Variants in PLSCR2 observed in about 807,000 individuals in gnomAD.
PLSCR2 encodes the protein PL scramblase 2.
A neutral mutation model predicts 25.3 loss-of-function variants in PLSCR2; 18 were observed. The observed-to-expected ratio is 0.71, with a 90% CI of 0.49 to 1.06. The LOEUF (loss-of-function observed/expected upper bound fraction) is 1.06. Among genes scored for constraint, PLSCR2 ranks in the 50% least tolerant of loss-of-function variants. The pLI, the probability that PLSCR2 is intolerant of heterozygous loss-of-function variation, is 0.00. For missense variants in PLSCR2, 243 were observed against 269.5 expected (o/e 0.90, Z 0.69); for synonymous variants, 88 against 87.3 (o/e 1.01, Z -0.04).
At chr3:146,445,371 T>C (rs181354054) in intron 6 of PLSCR2, among the ~76,000 whole-genome samples, 20 of 152,278 alleles carry the variant, frequency 1.3e-4, no homozygotes, top group Admixed American at 5.2e-4. Context: ...TCCTCAGCTT[T>C]TGTTTGCCTG....
chr3:146,451,513 C>G (rs1374267805), intron 5 of PLSCR2, among the ~76,000 whole-genome samples: 1 of 152,126 alleles, frequency 6.6e-6, no homozygotes, highest in Non-Finnish European at 1.5e-5. Flanking sequence ...AATATTTGGT[C>G]TTTGTCCCAG....
chr3:146,469,408 AAC>A, intron 1 of PLSCR2, 85 bp downstream of exon 1: 1 of 918,398 alleles, frequency 1.1e-6, no homozygotes, highest in Non-Finnish European at 1.3e-6. Flanking sequence ...CTCTGACGCA[AAC>A]ACAATTATGG....
chr3:146,472,686 C>T (rs527354119), intron 1 of PLSCR2, among the ~76,000 whole-genome samples: 91 of 152,210 alleles, frequency 6.0e-4, no homozygotes, highest in African/African-American at 2.1e-3. Flanking sequence ...CACAAAGGCC[C>T]CACCTCCTAA....
intron 3 of PLSCR2, among the ~76,000 whole-genome samples, chr3:146,457,848 A>G (rs900826746): frequency 6.6e-6 from 1 of 152,208 alleles, no homozygotes; most frequent in African/African-American, 2.4e-5. Flanking sequence ...ATTAGAGTTT[A>G]TAACATTAGG....
At chr3:146,400,262 T>A (rs2038419285) in intron 2 of PLSCR2, among the ~76,000 whole-genome samples, 1 of 151,692 alleles carries the variant, frequency 6.6e-6, no homozygotes, top group South Asian at 2.1e-4. Context: ...CTACTAGAAT[T>A]TGTAAGTAAT....
At chr3:146,461,109 T>C (rs2041546141), upstream of PLSCR2, among the ~76,000 whole-genome samples, 1 of 152,162 alleles carries the variant, frequency 6.6e-6, no homozygotes, top group African/African-American at 2.4e-5. Flanking sequence ...TACATGTAAA[T>C]GTACATTGCA....
chr3:146,453,185 C>A (rs1389207516), intron 5 of PLSCR2, among the ~76,000 whole-genome samples: 1 of 151,922 alleles, frequency 6.6e-6, no homozygotes, highest in Non-Finnish European at 1.5e-5. Context: ...TAGTGCTAAA[C>A]CTTAGGAAGA....
chr3:146,426,467 G>A (rs906968591), intron 2 of PLSCR2, among the ~76,000 whole-genome samples: 1 of 151,972 alleles, frequency 6.6e-6, no homozygotes, highest in Non-Finnish European at 1.5e-5. Flanking sequence ...CAAATTACTG[G>A]GTTGACTTTT....
chr3:146,462,528 T>C (rs754625070), upstream of PLSCR2, among the ~76,000 whole-genome samples: 12 of 151,632 alleles, frequency 7.9e-5, no homozygotes, highest in Non-Finnish European at 1.5e-4. Context: ...TAGTGTGGCA[T>C]GATCTTGGCT....
At chr3:146,435,869 T>A (rs1244923438) in intron 8 of PLSCR2, among the ~76,000 whole-genome samples, 7 of 152,182 alleles carry the variant, frequency 4.6e-5, no homozygotes, top group South Asian at 4.1e-4. Flanking sequence ...CTGAATGGTA[T>A]TGCCTAGGTT....
chr3:146,447,633 C>A (rs1332746314), intron 6 of PLSCR2, among the ~76,000 whole-genome samples: 1 of 152,126 alleles, frequency 6.6e-6, no homozygotes, highest in Non-Finnish European at 1.5e-5. Context: ...ACTGGAGCTG[C>A]AAGCTGTGCT....
At chr3:146,444,789 CGTTTTGTT>C (rs2040451769) in intron 6 of PLSCR2, among the ~76,000 whole-genome samples, 1 of 151,830 alleles carries the variant, frequency 6.6e-6, no homozygotes, top group Non-Finnish European at 1.5e-5. Context: ...TTACTCCTAT[CGTTTTGTT>C]ATTTTGTTTT....
chr3:146,483,438 T>C (rs2043204984), intron 1 of PLSCR2, among the ~76,000 whole-genome samples: 1 of 67,180 alleles, frequency 1.5e-5, no homozygotes, highest in African/African-American at 6.4e-5. Context: ...AATATATATA[T>C]ATATACACAT....
chr3:146,460,486 A>G (rs933452375), upstream of PLSCR2, among the ~76,000 whole-genome samples: 1 of 151,394 alleles, frequency 6.6e-6, no homozygotes, highest in African/African-American at 2.4e-5. Flanking sequence ...ATGTGTCAGC[A>G]TTCCCAGAGC....
downstream of PLSCR2, among the ~76,000 whole-genome samples, chr3:146,428,819 T>G (rs1309881886): frequency 6.6e-6 from 1 of 152,230 alleles, no homozygotes; most frequent in Non-Finnish European, 1.5e-5. Context: ...TAATCAATAT[T>G]CATCATGGGG....
intron 6 of PLSCR2, among the ~76,000 whole-genome samples, chr3:146,446,551 G>C (rs1206458074): frequency 6.6e-6 from 1 of 152,046 alleles, no homozygotes; most frequent in Non-Finnish European, 1.5e-5. Flanking sequence ...CTGGGGGAAG[G>C]GTGACACAAA....
intron 2 of PLSCR2, among the ~76,000 whole-genome samples, chr3:146,414,436 C>T (rs548051241): frequency 6.6e-6 from 1 of 152,086 alleles, no homozygotes; most frequent in Non-Finnish European, 1.5e-5. Context: ...AGTAAATGAT[C>T]TTGCATAAAA....
intron 6 of PLSCR2, among the ~76,000 whole-genome samples, chr3:146,444,163 C>T (rs1162946751): frequency 6.6e-6 from 1 of 151,726 alleles, no homozygotes; most frequent in Non-Finnish European, 1.5e-5. Context: ...ATCTTTAAGG[C>T]TTTTTTTGTG....
At chr3:146,430,192 A>C (rs147614476), downstream of PLSCR2, among the ~76,000 whole-genome samples, 144 of 152,326 alleles carry the variant, frequency 9.5e-4, 1 homozygote, top group African/African-American at 3.2e-3. Context: ...ACTAAATGGA[A>C]GCCAAAGAAA....
Sources: allele counts gnomAD v4.1 joint callset (sites outside exome capture counted in the v4.1 genomes callset), GRCh38; gene constraint gnomAD v4.1.1; transcripts MANE v1.5; gene names NCBI Gene and HGNC (gene_info 2026-07-23, HGNC 2026-07-21).